TJP1: variants seen among roughly 807,000 people sequenced by gnomAD.
The protein encoded by TJP1 is tight junction protein 1.
TJP1 carries 43 observed loss-of-function variants against 194.2 expected under a neutral mutation model. That is an observed-to-expected ratio of 0.22 (90% CI 0.17 to 0.29). The LOEUF is 0.29. Ranked by LOEUF, TJP1 falls within the 10% of genes least tolerant of loss-of-function variation. TJP1 has a pLI of 1.00. For missense variants in TJP1, 1,971 were observed against 2,185.7 expected, an observed-to-expected ratio of 0.90 and a Z score of 1.96; for synonymous variants, 801 against 779.0, an observed-to-expected ratio of 1.03 and a Z score of -0.47.
At chr15:29,762,591 A>G (rs922113866) in intron 5 of TJP1, among the ~76,000 whole-genome samples, 153 bp from the exon 6 acceptor site, 1 of 152,188 alleles carries the variant, frequency 6.6e-6, no homozygotes, top group Non-Finnish European at 1.5e-5. Flanking sequence ...CAAATAAGAC[A>G]TTCCCTCTAA....
chr15:29,786,921 AC>A (rs2047736418), intron 2 of TJP1, among the ~76,000 whole-genome samples: 1 of 152,202 alleles, frequency 6.6e-6, no homozygotes, highest in Non-Finnish European at 1.5e-5. Flanking sequence ...TCTGAGACTT[AC>A]CTTACTTCAC....
intron 2 of TJP1, among the ~76,000 whole-genome samples, chr15:29,830,304 G>C (rs995344284): frequency 4.7e-5 from 7 of 150,392 alleles, no homozygotes; most frequent in Admixed American, 3.3e-4. Flanking sequence ...AATTACACAT[G>C]TCAGAATAAT....
intron 2 of TJP1, among the ~76,000 whole-genome samples, chr15:29,909,156 C>CAAAAAAAA (rs1228556468): frequency 3.6e-5 from 3 of 84,056 alleles, no homozygotes; most frequent in South Asian, 4.0e-4. Flanking sequence ...GACTCCATCT[C>CAAAAAAAA]AAAAAAAAAA....
chr15:29,794,635 T>C (rs943404521), intron 2 of TJP1, among the ~76,000 whole-genome samples: 1 of 152,188 alleles, frequency 6.6e-6, no homozygotes, highest in Non-Finnish European at 1.5e-5. Context: ...TTCCTACACA[T>C]GAATTCCTAA....
At chr15:29,780,619 T>A (rs1004412870) in intron 2 of TJP1, among the ~76,000 whole-genome samples, 1 of 152,030 alleles carries the variant, frequency 6.6e-6, no homozygotes, top group African/African-American at 2.4e-5. Flanking sequence ...GGATACTGAG[T>A]AGCAGAATAA....
At chr15:29,878,342 G>A (rs934912140) in intron 2 of TJP1, among the ~76,000 whole-genome samples, 2 of 152,170 alleles carry the variant, frequency 1.3e-5, no homozygotes, top group Admixed American at 6.5e-5. Context: ...GAGCCACCGC[G>A]CCTGGCCAAG....
Position 29,766,360 on chromosome 15 carries a change from C to T in TJP1, c.495G>A (p.Arg165=). The T allele has an allele frequency of 6.2e-7, 1 of 1,614,190 alleles. No homozygotes were observed. The highest frequency in any genetic ancestry group is 8.5e-7 in the Non-Finnish European group (1 of 1,180,034). Residue 165 remains arginine (R), a synonymous_variant, in exon 5 of 28, where the codon AGG becomes AGA. Transcript: ENST00000614355. ...WPRDRSASRE[R]SLSPRSDRRS... is the part of the protein sequence containing the mutation. ...GCCTGTCTGACCGCGGGGACAAGCT[C>T]CTCTCTCTACTTGCACTTCTATCCC...
chr15:29,896,580 G>C (rs2053484064), intron 2 of TJP1, among the ~76,000 whole-genome samples: 1 of 152,222 alleles, frequency 6.6e-6, no homozygotes, highest in South Asian at 2.1e-4. Context: ...GCAGAAGCTG[G>C]AACAGTTTGG....
intron 2 of TJP1, among the ~76,000 whole-genome samples, chr15:29,845,203 T>C (rs2051364732): frequency 6.6e-6 from 1 of 152,214 alleles, no homozygotes; most frequent in Non-Finnish European, 1.5e-5. Context: ...TATCCTCTCC[T>C]AAATCTCACT....
At chr15:29,856,283 A>G (rs971210189) in intron 2 of TJP1, among the ~76,000 whole-genome samples, 4 of 152,198 alleles carry the variant, frequency 2.6e-5, no homozygotes, top group East Asian at 1.9e-4. Flanking sequence ...TTCTACAGGT[A>G]TTGATACATA....
chr15:29,742,327 A>G (rs1202682710), intron 9 of TJP1, among the ~76,000 whole-genome samples: 2 of 152,130 alleles, frequency 1.3e-5, no homozygotes, highest in Non-Finnish European at 2.9e-5. Flanking sequence ...AAAAAGCAAA[A>G]TAACTTTTCT....
intron 2 of TJP1, among the ~76,000 whole-genome samples, chr15:29,865,185 C>T (rs1303482692): frequency 1.3e-5 from 2 of 152,192 alleles, no homozygotes; most frequent in Non-Finnish European, 2.9e-5. Flanking sequence ...GTTTTAGCTA[C>T]ACAAATCAAC....
chr15:29,755,237 C>G (rs1026520806), intron 8 of TJP1, among the ~76,000 whole-genome samples: 11 of 152,174 alleles, frequency 7.2e-5, no homozygotes, highest in African/African-American at 2.2e-4. Flanking sequence ...GCAGGCTCTA[C>G]CACCTAGGTT....
intron 2 of TJP1, among the ~76,000 whole-genome samples, chr15:29,903,514 G>A (rs1426967974): frequency 6.6e-6 from 1 of 151,598 alleles, no homozygotes; most frequent in African/African-American, 2.4e-5. Flanking sequence ...GAGTGATCTC[G>A]GCTCACTGCA....
chr15:29,912,291 T>G (rs2054039764), intron 2 of TJP1, among the ~76,000 whole-genome samples: 1 of 152,234 alleles, frequency 6.6e-6, no homozygotes, highest in African/African-American at 2.4e-5. Context: ...AACATATGAA[T>G]TTTTAACACA....
chr15:29,801,340 C>A (rs577664913), intron 1 of TJP1, among the ~76,000 whole-genome samples: 1 of 152,266 alleles, frequency 6.6e-6, no homozygotes, highest in South Asian at 2.1e-4. Context: ...CTCCCAAACT[C>A]CCCCAAGAAT....
chr15:29,883,228 C>T (rs551696739), intron 2 of TJP1, among the ~76,000 whole-genome samples: 94 of 152,250 alleles, frequency 6.2e-4, no homozygotes, highest in African/African-American at 2.0e-3. Context: ...AAGATTTCTT[C>T]CAAACTCTCA....
At chr15:29,774,759 T>C (rs2046912010) in intron 2 of TJP1, among the ~76,000 whole-genome samples, 1 of 151,786 alleles carries the variant, frequency 6.6e-6, no homozygotes, top group African/African-American at 2.4e-5. Flanking sequence ...TATATGGCAA[T>C]AAAGCGAACA....
intron 2 of TJP1, among the ~76,000 whole-genome samples, chr15:29,880,012 G>A (rs2052867361): frequency 6.6e-6 from 1 of 152,158 alleles, no homozygotes; most frequent in Non-Finnish European, 1.5e-5. Context: ...AATATGTTGA[G>A]TATCACCTCA....
Sources: gnomAD v4.1 joint callset for allele counts (sites outside exome capture counted in the v4.1 genomes callset) on GRCh38, gnomAD v4.1.1 for gene constraint, MANE v1.5 for transcripts, NCBI Gene and HGNC (gene_info 2026-07-23, HGNC 2026-07-21) for gene names.